The following WNT11 variants were observed in gnomAD, a reference collection of about 807,000 sequenced individuals.
The protein encoded by WNT11 is Wnt family member 11, also known as protein Wnt-11.
Under a neutral mutation model 35.6 loss-of-function variants are expected in WNT11, and 20 were observed. The ratio of observed to expected loss-of-function variants is 0.56; its 90% CI spans 0.40 to 0.82. The LOEUF (loss-of-function observed/expected upper bound fraction) is 0.82, where lower values mean the gene tolerates loss of function less well. Among genes scored for constraint, WNT11 ranks in the 40% least tolerant of loss-of-function variants. The pLI, the probability that WNT11 is intolerant of heterozygous loss-of-function variation, is 0.00. For synonymous variants in WNT11, 200 were observed against 211.9 expected (o/e 0.94, Z 0.49); for missense variants, 459 against 504.4 (o/e 0.91, Z 0.86).
intron 1 of WNT11, among the ~76,000 whole-genome samples, chr11:76,202,504 G>A (rs1953395884): frequency 6.6e-6 from 1 of 152,110 alleles, no homozygotes; most frequent in Non-Finnish European, 1.5e-5. Flanking sequence ...AGGGAGGATG[G>A]AGCAGGACCC....
chr11:76,210,724 G>A, upstream of WNT11: 2 of 946,542 alleles, frequency 2.1e-6, no homozygotes, highest in Non-Finnish European at 2.5e-6. Context: ...TGTGCTCGCC[G>A]CTCGCCCGAG....
chr11:76,193,446 T>C (rs752029001), intron 3 of WNT11, among the ~76,000 whole-genome samples: 1 of 152,086 alleles, frequency 6.6e-6, no homozygotes, highest in East Asian at 1.9e-4. Flanking sequence ...GTGGTGGGCG[T>C]GCTGGCCGCT....
intron 1 of WNT11, among the ~76,000 whole-genome samples, chr11:76,197,427 T>C (rs1953305736): frequency 6.6e-6 from 1 of 152,372 alleles, no homozygotes; most frequent in South Asian, 2.1e-4. Flanking sequence ...TCAGTGTTTG[T>C]ACTTATAAAC....
chr11:76,209,744 C>G (rs1217713918), upstream of WNT11, among the ~76,000 whole-genome samples: 1 of 152,116 alleles, frequency 6.6e-6, no homozygotes, highest in African/African-American at 2.4e-5. Context: ...TGCTAACCCC[C>G]TGGAGCCGGA....
At position 76,186,899 on chromosome 11, in the gene WNT11, C is replaced by T. The variant is rs1210053772; in HGVS notation, c.*166G>A. On this transcript the variant is annotated 3_prime_UTR_variant, in exon 5 of 5. Coordinates refer to ENST00000322563, the MANE Select transcript of WNT11 (RefSeq NM_004626.3). ...CCTCCTTCCAGGGTGGCCAGACCTT[C>T]TGTTCCTGGTGGCTTCCAAGTGAAG... The T allele has an allele frequency of 9.5e-7, 1 of 1,057,842 alleles. No homozygotes were observed. Among genetic ancestry groups the T allele is most frequent in the Non-Finnish European group, 1.4e-6 (1 of 711,350 alleles). 65.5% of individuals were successfully genotyped at this position (1,057,842 alleles called of 1,614,324 possible).
At chr11:76,203,092 C>T (rs1953409004) in intron 1 of WNT11, among the ~76,000 whole-genome samples, 1 of 152,214 alleles carries the variant, frequency 6.6e-6, no homozygotes. Flanking sequence ...TCCCACTGTG[C>T]AAGTGGGGAA....
chr11:76,197,059 C>G (rs1401769845), intron 1 of WNT11, among the ~76,000 whole-genome samples: 3 of 152,240 alleles, frequency 2.0e-5, no homozygotes, highest in South Asian at 4.1e-4. Flanking sequence ...TGATTTAGTT[C>G]TCACACAGCT....
At position 76,194,740 on chromosome 11, in the gene WNT11, G is replaced by A; in HGVS notation, c.424C>T (p.Pro142Ser). The part of the protein sequence containing the change: ...SGDLPGCSCG[P>S]VPGEPPGPGN... Reference sequence around the variant, plus strand: ...GGCCCGGGTGGCTCACCTGGGACGGGGCCGCAGGAGCAGCCGGGCAGGTCG... The same window carrying A: ...GGCCCGGGTGGCTCACCTGGGACGGAGCCGCAGGAGCAGCCGGGCAGGTCG... Residue 142 changes from proline (P) to serine (S), a missense_variant, in exon 3 of 5, where the codon CCC (proline) becomes TCC (serine). By Grantham distance (74) the Pro-to-Ser change is moderately conservative. Coordinates refer to ENST00000322563, the MANE Select transcript of WNT11 (RefSeq NM_004626.3). The surrounding 1 kb of genome is among the most constrained non-coding windows in gnomAD (Gnocchi z 5.4). 6.4e-7 allele frequency: 1 copy of A among 1,551,106 alleles called. No individual in the cohort carries two copies. Among genetic ancestry groups the A allele is most frequent in the Non-Finnish European group, 8.7e-7 (1 of 1,147,766 alleles).
chr11:76,191,264 G>A (rs1055047681), intron 4 of WNT11, among the ~76,000 whole-genome samples: 11 of 152,292 alleles, frequency 7.2e-5, no homozygotes, highest in Middle Eastern at 3.4e-3. Context: ...CCCCAGTAGC[G>A]TCATTGTCTC....
intron 4 of WNT11, among the ~76,000 whole-genome samples, chr11:76,191,346 C>T (rs1953180909): frequency 6.6e-6 from 1 of 152,320 alleles, no homozygotes; most frequent in South Asian, 2.1e-4. Context: ...CTGGCCCCTG[C>T]CAGGTGCAGT....
chr11:76,186,851 G>T lies in WNT11; in HGVS notation c.*214C>A. On this transcript the variant is annotated 3_prime_UTR_variant, in exon 5 of 5. Coordinates refer to ENST00000322563, the MANE Select transcript of WNT11 (RefSeq NM_004626.3). ...AGGCTGCCAAGTTATTTTTAATCTTGTCGGTTTCCTTTGATGTCCTGCCCT... is the reference window on the plus strand; with the variant it reads ...AGGCTGCCAAGTTATTTTTAATCTTTTCGGTTTCCTTTGATGTCCTGCCCT... The T allele has an allele frequency of 1.4e-6, 1 of 736,766 alleles. No individual in the cohort carries two copies. Among genetic ancestry groups the T allele is most frequent in the Non-Finnish European group, 2.4e-6 (1 of 423,176 alleles). The allele number at this position is 736,766 out of a possible 1,614,324, so 45.6% of individuals were successfully genotyped here. A position where few individuals can be genotyped will look rare whatever the true frequency, so the allele number is the denominator to read the frequency against.
intron 3 of WNT11, among the ~76,000 whole-genome samples, chr11:76,192,614 A>G (rs1953203876): frequency 1.3e-5 from 2 of 152,258 alleles, no homozygotes; most frequent in Non-Finnish European, 2.9e-5. Flanking sequence ...ATAAAAGTTA[A>G]ATCAATATTG....
intron 1 of WNT11, among the ~76,000 whole-genome samples, chr11:76,197,676 CT>C (rs1463697083): frequency 2.0e-5 from 3 of 152,126 alleles, no homozygotes; most frequent in African/African-American, 7.2e-5. Flanking sequence ...CTCGTCCGTG[CT>C]TTGGGAAACG....
chr11:76,187,667 A>G (rs1301627108), intron 4 of WNT11, among the ~76,000 whole-genome samples: 3 of 149,242 alleles, frequency 2.0e-5, no homozygotes, highest in African/African-American at 7.4e-5. Context: ...TTATTTTTGT[A>G]GCGATGGAAT....
At chr11:76,202,591 C>T (rs1490306401) in intron 1 of WNT11, among the ~76,000 whole-genome samples, 1 of 152,158 alleles carries the variant, frequency 6.6e-6, no homozygotes, top group African/African-American at 2.4e-5. Flanking sequence ...CTTGGGGAAG[C>T]TCTCCCTCCA....
At chr11:76,206,216 A>T (rs1953469753) in intron 1 of WNT11, 109 bp downstream of exon 1, 1 of 1,049,916 alleles carries the variant, frequency 9.5e-7, no homozygotes, top group Non-Finnish European at 1.3e-6. Context: ...CCGCCAAGCC[A>T]GCTTAGGCTC....
At chr11:76,198,022 C>T (rs1953315831) in intron 1 of WNT11, among the ~76,000 whole-genome samples, 1 of 152,196 alleles carries the variant, frequency 6.6e-6, no homozygotes, top group African/African-American at 2.4e-5. Flanking sequence ...CTGAGTGCCC[C>T]GCCTGCTGTG....
At chr11:76,208,165 G>A (rs1316097339), upstream of WNT11, among the ~76,000 whole-genome samples, 2 of 152,250 alleles carry the variant, frequency 1.3e-5, no homozygotes, top group Non-Finnish European at 2.9e-5. Context: ...CAGCCTGCGG[G>A]GCTCAGCGCC....
chr11:76,206,847 CAG>C (rs1953483958), upstream of WNT11: 7 of 135,198 alleles, frequency 5.2e-5, no homozygotes, highest in South Asian at 1.9e-3. Flanking sequence ...GCCACGGAGA[CAG>C]AGGGGGAAAC....
Sources: allele counts gnomAD v4.1 joint callset (sites outside exome capture counted in the v4.1 genomes callset), GRCh38; gene constraint gnomAD v4.1.1; non-coding constraint Gnocchi (gnomAD v3.1); transcripts MANE v1.5; gene names NCBI Gene and HGNC (gene_info 2026-07-23, HGNC 2026-07-21).